The following NEK10 variants were observed in gnomAD, a reference collection of about 807,000 sequenced individuals.
The protein encoded by NEK10 is NIMA related kinase 10, also known as serine/threonine-protein kinase Nek10.
NEK10 carries 122 observed loss-of-function variants against 159.8 expected under a neutral mutation model. The ratio of observed to expected loss-of-function variants is 0.76; its 90% CI spans 0.66 to 0.89. The LOEUF (loss-of-function observed/expected upper bound fraction) is 0.89, where lower values mean the gene tolerates loss of function less well. Ranked by LOEUF, NEK10 falls within the 40% of genes least tolerant of loss-of-function variation. The pLI, the probability that NEK10 is intolerant of heterozygous loss-of-function variation, is 0.00. For synonymous variants in NEK10, 466 were observed against 457.1 expected, an observed-to-expected ratio of 1.02 and a Z score of -0.25; for missense variants, 1,342 against 1,323.1, an observed-to-expected ratio of 1.01 and a Z score of -0.22.
At chr3:27,113,259 C>G (rs1005506530) in intron 35 of NEK10, among the ~76,000 whole-genome samples, 2 of 151,752 alleles carry the variant, frequency 1.3e-5, no homozygotes, top group Non-Finnish European at 1.5e-5. Flanking sequence ...GAAGAAACCC[C>G]GTTTCTACTA....
chr3:27,121,092 G>C (rs1305491604), intron 32 of NEK10, among the ~76,000 whole-genome samples: 1 of 152,084 alleles, frequency 6.6e-6, no homozygotes, highest in African/African-American at 2.4e-5. Flanking sequence ...ATTTATATGA[G>C]AGAAATAAGT....
At chr3:27,289,279 AC>A (rs1185895820) in intron 19 of NEK10, among the ~76,000 whole-genome samples, 1 of 152,194 alleles carries the variant, frequency 6.6e-6, no homozygotes, top group Non-Finnish European at 1.5e-5. Flanking sequence ...CTTTCTAAGC[AC>A]CTGCATTTGG....
At chr3:27,153,992 T>C (rs1272934404) in intron 30 of NEK10, among the ~76,000 whole-genome samples, 1 of 151,950 alleles carries the variant, frequency 6.6e-6, no homozygotes, top group East Asian at 1.9e-4. Context: ...ACAAAAAATA[T>C]ACAAAAGATA....
chr3:27,169,456 T>C lies in NEK10; in HGVS notation c.2831+2363A>G, dbSNP rs1575087245. On this transcript the variant is annotated intron_variant, in intron 29 of 35. Transcript: ENST00000691995. ...AGAACGTCATGAGGTCTTACAGGGT[T>C]TTATCGAATATCTTTCTGATAGATC... Among the ~76,000 whole-genome samples the C allele has an allele frequency of 3.3e-5, 5 of 152,292 alleles. No individual in the cohort carries two copies. In the South Asian group the frequency reaches 1.0e-3, roughly 32 times the overall value.
At chr3:27,352,013 T>C (rs936885623) in intron 3 of NEK10, among the ~76,000 whole-genome samples, 5 of 152,020 alleles carry the variant, frequency 3.3e-5, no homozygotes, top group African/African-American at 1.2e-4. Flanking sequence ...CTTGCCCCTC[T>C]GTTTGGTGAG....
chr3:27,127,555 A>G (rs773232850), intron 32 of NEK10, among the ~76,000 whole-genome samples: 22 of 152,146 alleles, frequency 1.4e-4, no homozygotes, highest in Non-Finnish European at 2.1e-4. Context: ...CCGCAACACA[A>G]TGGTATTTAT....
Position 27,216,020 on chromosome 3 carries a change from G to A in NEK10, c.2091-13463C>T. 3 of 470,920 alleles carry A rather than the reference G, an allele frequency of 6.4e-6. No homozygotes were observed. The East Asian group carries it at 9.6e-5, about 15-fold the overall frequency. 29.2% of individuals were successfully genotyped at this position (470,920 alleles called of 1,614,324 possible). On this transcript the variant is annotated intron_variant, in intron 23 of 35. Transcript: ENST00000691995. ...TAAAATTCAACATGAAATTTAGGTG[G>A]GGACAAAGATCCAAACCATATCAGA...
At chr3:27,268,766 A>G (rs1259405255) in intron 22 of NEK10, among the ~76,000 whole-genome samples, 22 of 152,212 alleles carry the variant, frequency 1.4e-4, no homozygotes, top group Admixed American at 1.4e-3. Flanking sequence ...TCAAGGAGTC[A>G]TTTCTACTTT....
chr3:27,280,314 C>A (rs1429920093), intron 22 of NEK10, among the ~76,000 whole-genome samples: 1 of 151,914 alleles, frequency 6.6e-6, no homozygotes, highest in Non-Finnish European at 1.5e-5. Flanking sequence ...GCCCATTTAA[C>A]CCTGCAGAGC....
At chr3:27,207,941 G>A (rs1161196391) in intron 23 of NEK10, among the ~76,000 whole-genome samples, 3 of 152,118 alleles carry the variant, frequency 2.0e-5, no homozygotes. Flanking sequence ...TATTTAGACT[G>A]AAAATCAAAT....
chr3:27,279,787 G>A (rs894052834), intron 22 of NEK10, among the ~76,000 whole-genome samples: 8 of 152,126 alleles, frequency 5.3e-5, no homozygotes, highest in Non-Finnish European at 8.8e-5. Context: ...TCTGAAGGCT[G>A]CTAGCCTCAC....
intron 30 of NEK10, among the ~76,000 whole-genome samples, chr3:27,142,778 G>T (rs1222386800): frequency 6.6e-6 from 1 of 152,052 alleles, no homozygotes; most frequent in Non-Finnish European, 1.5e-5. Flanking sequence ...GTATATTTAA[G>T]ACATAAAATG....
At chr3:27,256,182 T>G in intron 23 of NEK10, 114 bp downstream of exon 23, 1 of 496,558 alleles carries the variant, frequency 2.0e-6, no homozygotes, top group Non-Finnish European at 3.4e-6. Context: ...TGAAAAAACT[T>G]ATAAAATAAG....
At chr3:27,317,429 A>G (rs1375772251) in intron 6 of NEK10, among the ~76,000 whole-genome samples, 1 of 152,186 alleles carries the variant, frequency 6.6e-6, no homozygotes, top group African/African-American at 2.4e-5. Context: ...ACTGGTTTCT[A>G]TATTTCTGAG....
intron 23 of NEK10, among the ~76,000 whole-genome samples, chr3:27,248,981 T>A (rs1251266011): frequency 6.6e-6 from 1 of 152,164 alleles, no homozygotes; most frequent in African/African-American, 2.4e-5. Flanking sequence ...TTGATAATGG[T>A]TTGGCTACAC....
chr3:27,171,350 A>G (rs1946965489), intron 29 of NEK10, among the ~76,000 whole-genome samples: 1 of 152,204 alleles, frequency 6.6e-6, no homozygotes, highest in South Asian at 2.1e-4. Flanking sequence ...AGTGATGAGC[A>G]TAACATCTCG....
At position 27,290,524 on chromosome 3, in the gene NEK10, C is replaced by T. The variant is rs1210668018; in HGVS notation, c.1743+93G>A. The T allele has an allele frequency of 5.4e-6, 5 of 920,808 alleles. No individual in the cohort carries two copies. In the Admixed American group the frequency reaches 1.4e-4, roughly 27 times the overall value. The allele number at this position is 920,808 out of a possible 1,614,324, so 57.0% of individuals were successfully genotyped here. On this transcript the variant is annotated intron_variant, in intron 19 of 35. Transcript: ENST00000691995. ...TCAATTATTTCACATGGAACTAGTT[C>T]ATAAGCAGCATGGACAAGAGCACCA... is the stretch of plus-strand genomic sequence containing the variant.
chr3:27,312,651 C>A (rs755827431), intron 7 of NEK10, among the ~76,000 whole-genome samples: 6 of 151,990 alleles, frequency 3.9e-5, no homozygotes, highest in Non-Finnish European at 8.8e-5. Context: ...GAATAAAATG[C>A]GTACTGAGTA....
At chr3:27,215,676 C>T in intron 23 of NEK10, 1 of 626,882 alleles carries the variant, frequency 1.6e-6, no homozygotes. Context: ...TGCACTACTA[C>T]AAAGAAATAC....
Sources: allele counts gnomAD v4.1 joint callset (sites outside exome capture counted in the v4.1 genomes callset), GRCh38; gene constraint gnomAD v4.1.1; transcripts MANE v1.5; gene names NCBI Gene and HGNC (gene_info 2026-07-23, HGNC 2026-07-21).